The following ITSN2 variants were observed in gnomAD, a reference collection of about 807,000 sequenced individuals.
ITSN2 encodes the protein intersectin-2.
Under a neutral mutation model 243.7 loss-of-function variants are expected in ITSN2, and 156 were observed. That is an observed-to-expected ratio of 0.64 (90% confidence interval 0.56 to 0.73). The LOEUF (loss-of-function observed/expected upper bound fraction) is 0.73. Among genes scored for constraint, ITSN2 ranks in the 30% least tolerant of loss-of-function variants. The probability of loss-of-function intolerance (pLI) is 0.00; values close to 1 mark genes in which losing one functional copy is unlikely to be tolerated. For missense variants in ITSN2, 1,801 were observed against 1,996.1 expected (o/e 0.90, Z 1.86); for synonymous variants, 703 against 699.9 (o/e 1.00, Z -0.07).
At chr2:24,286,494 A>C in intron 15 of ITSN2, 143 bp from the exon 16 acceptor site, 1 of 591,724 alleles carries the variant, frequency 1.7e-6, no homozygotes, top group African/African-American at 1.9e-5. Flanking sequence ...AAGAGAAAAC[A>C]TTCAGTTGTT....
At position 24,211,145 on chromosome 2, in the gene ITSN2, C is replaced by T. The variant is rs546217903; in HGVS notation, c.4090-198G>A. ...TTCTTGGGGACACAGGGACAGGTAA[C>T]GCTGCTGTGACAAGGTGACAGTGCT... is the stretch of plus-strand genomic sequence containing the variant. On this transcript the variant is annotated intron_variant, in intron 33 of 39. Transcript: ENST00000355123. The surrounding 1 kb of genome is among the most constrained non-coding windows in gnomAD (Gnocchi z 4.1). Among the ~76,000 whole-genome samples, 1 of 152,194 alleles carries T rather than the reference C, an allele frequency of 6.6e-6. No individual in the cohort carries two copies. Among genetic ancestry groups the T allele is most frequent in the African/African-American group, 2.4e-5 (1 of 41,456 alleles).
intron 1 of ITSN2, among the ~76,000 whole-genome samples, chr2:24,356,318 C>T (rs1688439294): frequency 6.8e-6 from 1 of 147,258 alleles, no homozygotes; most frequent in Admixed American, 6.8e-5. Flanking sequence ...GGCACTCCAG[C>T]CTGGGAGACA....
At position 24,211,034 on chromosome 2, in the gene ITSN2, A is replaced by C; in HGVS notation, c.4090-87T>G. The stretch of plus-strand genomic sequence containing the variant: ...TTCGCAGGACCGCTCCTCCAACCCC[A>C]TGTTATGGACTGCTTCCATGCCCTG... On this transcript the variant is annotated intron_variant, in intron 33 of 39. Transcript: ENST00000355123. This position sits in a 1 kb window ranked among gnomAD's most constrained non-coding sequence, Gnocchi z 4.1. 1 of 1,301,240 alleles carries C rather than the reference A, an allele frequency of 7.7e-7. No homozygotes were observed. Among genetic ancestry groups the C allele is most frequent in the Non-Finnish European group, 1.1e-6 (1 of 917,678 alleles). 80.6% of individuals were successfully genotyped at this position (1,301,240 alleles called of 1,614,324 possible). A position where few individuals can be genotyped will look rare whatever the true frequency, so the allele number is the denominator to read the frequency against.
intron 12 of ITSN2, among the ~76,000 whole-genome samples, chr2:24,299,580 C>T (rs1681464598): frequency 2.0e-5 from 3 of 152,178 alleles, no homozygotes; most frequent in Admixed American, 1.3e-4. Flanking sequence ...GGATCTTAAA[C>T]TTGCTTTCGT....
intron 29 of ITSN2, among the ~76,000 whole-genome samples, chr2:24,230,876 C>A (rs966950574): frequency 1.3e-5 from 2 of 152,154 alleles, no homozygotes; most frequent in African/African-American, 4.8e-5. Flanking sequence ...AAACAACCTC[C>A]TTCATTTCCT....
Position 24,337,279 on chromosome 2 carries a change from A to ATGTGTGTGTG in ITSN2, c.-33-9165_-33-9164insCACACACACA, listed in dbSNP as rs761971519. Among the ~76,000 whole-genome samples the ATGTGTGTGTG allele has an allele frequency of 5.8e-3, 568 of 97,910 alleles. 31 individuals are homozygous for ATGTGTGTGTG. The highest frequency in any genetic ancestry group is 0.02 in the African/African-American group (534 of 26,912). The allele number at this position is 97,910 out of a possible 152,430, so 64.2% of individuals were successfully genotyped here. A position where few individuals can be genotyped will look rare whatever the true frequency, so the allele number is the denominator to read the frequency against. ...CCTGCAGGCGTGTGTGTCTATATGT[A>ATGTGTGTGTG]TGTATGTGTGTGTGTGTGTGTGTGT... is the stretch of plus-strand genomic sequence containing the variant. On this transcript the variant is annotated intron_variant, in intron 1 of 39. Transcript: ENST00000355123.
At chr2:24,210,644 AT>A in intron 34 of ITSN2, 135 bp downstream of exon 34, 1 of 644,788 alleles carries the variant, frequency 1.6e-6, no homozygotes. Context: ...AGAAAAAAAA[AT>A]GCCTTTGCAG....
At chr2:24,344,295 A>T (rs1687318837) in intron 1 of ITSN2, among the ~76,000 whole-genome samples, 1 of 152,218 alleles carries the variant, frequency 6.6e-6, no homozygotes, top group Non-Finnish European at 1.5e-5. Context: ...TATACTGAGT[A>T]TTTAGGTAGG....
intron 29 of ITSN2, among the ~76,000 whole-genome samples, chr2:24,233,051 C>T (rs1338136929): frequency 2.0e-5 from 3 of 152,160 alleles, no homozygotes; most frequent in Non-Finnish European, 4.4e-5. Context: ...ACAATTAGGA[C>T]CTTGTATCTA....
Position 24,311,289 on chromosome 2 carries a change from A to G in ITSN2, c.353-597T>C, listed in dbSNP as rs116455003. 6.4e-3 allele frequency among the ~76,000 whole-genome samples: 969 copies of G among 152,328 alleles called. 4 individuals carry two copies. Among genetic ancestry groups the G allele is most frequent in the Middle Eastern group, 0.024 (7 of 294 alleles). ...AGTGATGACTTTTATTCATTTATTA[A>G]CTGCAGAATACTTATAAATATGGTC... is the stretch of plus-strand genomic sequence containing the variant. On this transcript the variant is annotated intron_variant, in intron 5 of 39. Transcript: ENST00000355123.
chr2:24,354,600 A>C (rs960881367), intron 1 of ITSN2, among the ~76,000 whole-genome samples: 1 of 152,244 alleles, frequency 6.6e-6, no homozygotes, highest in Non-Finnish European at 1.5e-5. Flanking sequence ...CATTTCACAC[A>C]TAAGGAAACA....
intron 12 of ITSN2, among the ~76,000 whole-genome samples, chr2:24,299,026 C>CT (rs1181200021): frequency 0.12 from 15,010 of 124,256 alleles, 1,453 homozygotes; most frequent in African/African-American, 0.24. Flanking sequence ...TTCACGAGAT[C>CT]TTTTTTTTTT....
chr2:24,219,251 C>T (rs1294996181), intron 30 of ITSN2, among the ~76,000 whole-genome samples: 1 of 152,238 alleles, frequency 6.6e-6, no homozygotes, highest in Non-Finnish European at 1.5e-5. Flanking sequence ...CAAGAACTTT[C>T]TTTCATCTCT....
At chr2:24,330,754 T>C (rs1685695585) in intron 1 of ITSN2, 1 of 548,496 alleles carries the variant, frequency 1.8e-6, no homozygotes, top group South Asian at 1.7e-5. Flanking sequence ...TTATAAAAAA[T>C]GCAGAATTTC....
intron 9 of ITSN2, among the ~76,000 whole-genome samples, chr2:24,302,940 C>G (rs545000003): frequency 2.0e-5 from 3 of 152,148 alleles, no homozygotes; most frequent in Non-Finnish European, 4.4e-5. Flanking sequence ...AAAATTCCTA[C>G]CACCTAAGGA....
chr2:24,263,920 T>A (rs774379781), intron 20 of ITSN2, among the ~76,000 whole-genome samples: 20 of 152,020 alleles, frequency 1.3e-4, no homozygotes, highest in Non-Finnish European at 2.8e-4. Flanking sequence ...TACCTAAGAG[T>A]GGAATGGCTG....
At chr2:24,309,457 C>A (rs1297662729) in intron 7 of ITSN2, among the ~76,000 whole-genome samples, 3 of 152,232 alleles carry the variant, frequency 2.0e-5, no homozygotes, top group African/African-American at 7.2e-5. Context: ...ACCTCAGCCT[C>A]CCAAAGTGCT....
At chr2:24,320,389 G>T (rs1177577135) in intron 2 of ITSN2, among the ~76,000 whole-genome samples, 5 of 150,278 alleles carry the variant, frequency 3.3e-5, no homozygotes, top group African/African-American at 9.8e-5. Flanking sequence ...CGCGGTGGCG[G>T]GCGCCTGTAG....
intron 23 of ITSN2, among the ~76,000 whole-genome samples, chr2:24,255,269 T>C (rs1415538596): frequency 6.6e-6 from 1 of 152,240 alleles, no homozygotes; most frequent in African/African-American, 2.4e-5. Context: ...ATAAAGGGCC[T>C]AGCACAGTGC....
Sources: gnomAD v4.1 joint callset for allele counts (sites outside exome capture counted in the v4.1 genomes callset) on GRCh38, gnomAD v4.1.1 for gene constraint, Gnocchi (gnomAD v3.1) non-coding constraint, MANE v1.5 for transcripts, NCBI Gene and HGNC (gene_info 2026-07-23, HGNC 2026-07-21) for gene names.